The following SLC25A42 variants were observed in gnomAD, a reference collection of about 807,000 sequenced individuals.
SLC25A42 encodes the protein solute carrier family 25 member 42, also known as mitochondrial coenzyme A transporter SLC25A42.
SLC25A42 carries 19 observed loss-of-function variants against 34.7 expected under a neutral mutation model. The observed-to-expected ratio is 0.55, with a 90% CI of 0.38 to 0.80. The LOEUF is 0.80. Among genes scored for constraint, SLC25A42 ranks in the 30% least tolerant of loss-of-function variants. The pLI is 0.00. For synonymous variants in SLC25A42, 205 were observed against 191.2 expected, an observed-to-expected ratio of 1.07 and a Z score of -0.59; for missense variants, 364 against 441.3, an observed-to-expected ratio of 0.82 and a Z score of 1.57.
intron 3 of SLC25A42, 72 bp from the exon 4 acceptor site, chr19:19,104,841 G>T: frequency 6.4e-7 from 1 of 1,574,746 alleles, no homozygotes; most frequent in South Asian, 1.1e-5. Context: ...GTGGGTGCCA[G>T]GGGTGGGGCC....
At chr19:19,106,443 C>A in intron 6 of SLC25A42, 58 bp downstream of exon 6, 1 of 1,421,856 alleles carries the variant, frequency 7.0e-7, no homozygotes, top group Non-Finnish European at 9.7e-7. Flanking sequence ...CTCGGGGGCT[C>A]CCAGGTCGGA....
Position 19,072,189 on chromosome 19 carries a change from A to G in SLC25A42, c.-35+8074A>G, listed in dbSNP as rs368030736. On this transcript the variant is annotated intron_variant, in intron 1 of 7. Coordinates refer to ENST00000318596, the MANE Select transcript of SLC25A42 (RefSeq NM_178526.5). ...TTCAATCATGGATCATGGGGAAGCC[A>G]TGTGTCAGTGTCTCAAAAGCATACT... 1.5e-4 allele frequency among the ~76,000 whole-genome samples: 23 copies of G among 152,274 alleles called. No individual in the cohort carries two copies. In the East Asian group the frequency reaches 1.5e-3, roughly 10 times the overall value.
chr19:19,095,913 A>C, intron 1 of SLC25A42, 178 bp from the exon 2 acceptor site: 1 of 670,950 alleles, frequency 1.5e-6, no homozygotes, highest in South Asian at 1.5e-5. Context: ...TTCCAGTACC[A>C]ACAAGAAAGG....
At chr19:19,080,742 A>G (rs2059677217) in intron 1 of SLC25A42, among the ~76,000 whole-genome samples, 1 of 152,004 alleles carries the variant, frequency 6.6e-6, no homozygotes, top group South Asian at 2.1e-4. Flanking sequence ...CAACATGGTG[A>G]AACCCCGTCT....
rs2059816317 is a variant in SLC25A42 at position 19,104,648 on chromosome 19, G to A, written c.188-265G>A. ...CTGAGACCCAAGTGCCTGGAGGCTG[G>A]GACACCTTCCCTGCAGGGGTTTGGG... On this transcript the variant is annotated intron_variant, in intron 3 of 7. Coordinates refer to ENST00000318596, the MANE Select transcript of SLC25A42 (RefSeq NM_178526.5). 2.0e-5 allele frequency among the ~76,000 whole-genome samples: 3 copies of A among 152,306 alleles called. No individual in the cohort carries two copies. The South Asian group carries it at 6.2e-4, about 32-fold the overall frequency.
At chr19:19,110,175 T>C (rs1298980540) in intron 7 of SLC25A42, among the ~76,000 whole-genome samples, 1 of 152,070 alleles carries the variant, frequency 6.6e-6, no homozygotes, top group Non-Finnish European at 1.5e-5. Context: ...GGAGAAACCC[T>C]GTCTCTACTA....
intron 1 of SLC25A42, among the ~76,000 whole-genome samples, chr19:19,078,276 A>G (rs548405912): frequency 2.6e-5 from 4 of 152,240 alleles, no homozygotes; most frequent in East Asian, 1.9e-4. Context: ...GTGTCTCCCT[A>G]CAAGCACAGC....
At chr19:19,101,744 C>T in intron 2 of SLC25A42, 37 bp from the exon 3 acceptor site, 1 of 1,582,158 alleles carries the variant, frequency 6.3e-7, no homozygotes, top group Non-Finnish European at 8.6e-7. Flanking sequence ...GAGCCGCCCC[C>T]CTGCCCTCTG....
intron 5 of SLC25A42, 160 bp downstream of exon 5, chr19:19,105,887 CT>C (rs1466031631): frequency 9.3e-6 from 6 of 644,994 alleles, no homozygotes; most frequent in Admixed American, 9.0e-5. Flanking sequence ...CCAGGCCCTC[CT>C]GAGGGACCCC....
intron 2 of SLC25A42, among the ~76,000 whole-genome samples, chr19:19,099,491 G>A (rs1017965165): frequency 2.0e-5 from 3 of 152,100 alleles, no homozygotes; most frequent in East Asian, 3.9e-4. Flanking sequence ...GGCACCCTCT[G>A]CCTGAGCTCA....
intron 4 of SLC25A42, 117 bp from the exon 5 acceptor site, chr19:19,105,444 A>G: frequency 1.6e-6 from 2 of 1,254,496 alleles, no homozygotes; most frequent in South Asian, 1.5e-5. Flanking sequence ...TGTGCTGTGC[A>G]TGGAGATGGG....
intron 1 of SLC25A42, among the ~76,000 whole-genome samples, chr19:19,086,067 A>G (rs1431405028): frequency 6.6e-6 from 1 of 152,210 alleles, no homozygotes; most frequent in Non-Finnish European, 1.5e-5. Context: ...CAGTCCTTCT[A>G]TAGCCACAGA....
intron 1 of SLC25A42, among the ~76,000 whole-genome samples, chr19:19,079,921 T>C (rs2059672701): frequency 6.6e-6 from 1 of 152,184 alleles, no homozygotes; most frequent in Non-Finnish European, 1.5e-5. Context: ...GGAAGTGGAA[T>C]TGCTGGGCCA....
rs75496133 is a variant in SLC25A42, at chr19:19,105,521, G to A, written c.214-40G>A. ...TCACAGAGGCCCGCAGGGAGGGCAGGCAGAGGCAGAGGGATGTTGACCTTC... is the reference window on the plus strand; with the variant it reads ...TCACAGAGGCCCGCAGGGAGGGCAGACAGAGGCAGAGGGATGTTGACCTTC... On this transcript the variant is annotated intron_variant, in intron 4 of 7. Transcript: ENST00000318596. 29 of 1,589,988 alleles carry A rather than the reference G, an allele frequency of 1.8e-5. No homozygotes were observed. In the African/African-American group the frequency reaches 3.7e-4, roughly 21 times the overall value.
rs745805357 is a variant in SLC25A42, at chr19:19,096,112, G to C, written c.-13G>C. The C allele has an allele frequency of 8.7e-6, 14 of 1,613,040 alleles. No homozygotes were observed. Among genetic ancestry groups the C allele is most frequent in the African/African-American group, 1.3e-5 (1 of 74,694 alleles). On this transcript the variant is annotated 5_prime_UTR_variant, in exon 2 of 8. Transcript: ENST00000318596. ...CCAGGACCGAGTCTCCTGCCATTCC[G>C]AGCAGGCCTGGTATGGGTAATGGTG...
Position 19,075,990 on chromosome 19 carries a change from C to T in SLC25A42, c.-35+11875C>T, listed in dbSNP as rs569729845. The stretch of plus-strand genomic sequence containing the variant: ...TGAAGTCTCATTACCTGACCATGGC[C>T]ACCTGGGTCACCCTGGAGTCAAGGG... On this transcript the variant is annotated intron_variant, in intron 1 of 7. Coordinates refer to ENST00000318596, the MANE Select transcript of SLC25A42 (RefSeq NM_178526.5). Among the ~76,000 whole-genome samples the T allele has an allele frequency of 2.0e-5, 3 of 152,300 alleles. No homozygotes were observed. In the South Asian group the frequency reaches 6.2e-4, roughly 32 times the overall value.
chr19:19,089,530 AAAAAAT>A (rs1286424888), intron 1 of SLC25A42, among the ~76,000 whole-genome samples: 2 of 146,934 alleles, frequency 1.4e-5, no homozygotes, highest in African/African-American at 2.6e-5. Context: ...TCCATCTCAA[AAAAAAT>A]AATAATAATA....
chr19:19,078,625 A>G (rs528403539), intron 1 of SLC25A42, among the ~76,000 whole-genome samples: 1 of 152,302 alleles, frequency 6.6e-6, no homozygotes, highest in South Asian at 2.1e-4. Flanking sequence ...GTGACATACG[A>G]ATGTCCAGCA....
intron 1 of SLC25A42, among the ~76,000 whole-genome samples, chr19:19,087,738 C>T (rs1016760773): frequency 2.9e-4 from 44 of 152,194 alleles, no homozygotes; most frequent in African/African-American, 9.7e-4. Flanking sequence ...CTTGGAAAAA[C>T]AAAGACCATC....
Sources: allele counts gnomAD v4.1 joint callset (sites outside exome capture counted in the v4.1 genomes callset), GRCh38; gene constraint gnomAD v4.1.1; transcripts MANE v1.5; gene names NCBI Gene and HGNC (gene_info 2026-07-23, HGNC 2026-07-21).